The following PHLPP1 variants were observed in gnomAD, a reference collection of about 807,000 sequenced individuals.
PHLPP1 encodes PH domain leucine-rich repeat-containing protein phosphatase 1.
A neutral mutation model predicts 117.2 loss-of-function variants in PHLPP1; 42 were observed. The ratio of observed to expected loss-of-function variants is 0.36; its 90% confidence interval spans 0.28 to 0.46. The LOEUF (loss-of-function observed/expected upper bound fraction) is 0.46. Ranked by LOEUF, PHLPP1 falls within the 20% of genes least tolerant of loss-of-function variation. The pLI is 1.00. For synonymous variants in PHLPP1, 1,042 were observed against 970.7 expected, an observed-to-expected ratio of 1.07 and a Z score of -1.37; for missense variants, 2,084 against 2,241.9, an observed-to-expected ratio of 0.93 and a Z score of 1.42.
At chr18:62,746,191 A>G (rs1318475741) in intron 1 of PHLPP1, among the ~76,000 whole-genome samples, 2 of 152,070 alleles carry the variant, frequency 1.3e-5, no homozygotes, top group Non-Finnish European at 2.9e-5. Context: ...GACTATAGGC[A>G]TGAGCCACCA....
At position 62,945,348 on chromosome 18, in the gene PHLPP1, C is replaced by T. The variant is rs72945599; in HGVS notation, c.3324+77C>T. ...GACTTCCTAACTCATCAACTCAGGA[C>T]GTTTGCATCTTTGTTGGATTTATTC... On this transcript the variant is annotated intron_variant, in intron 12 of 16. Transcript: ENST00000262719. 60 of 1,200,198 alleles carry T rather than the reference C, an allele frequency of 5.0e-5. No individual in the cohort carries two copies. The East Asian group carries it at 1.1e-3, about 21-fold the overall frequency. 74.3% of individuals were successfully genotyped at this position (1,200,198 alleles called of 1,614,324 possible). A position where few individuals can be genotyped will look rare whatever the true frequency, so the allele number is the denominator to read the frequency against.
chr18:62,723,132 T>G (rs1018360843), intron 1 of PHLPP1, among the ~76,000 whole-genome samples: 2 of 152,232 alleles, frequency 1.3e-5, no homozygotes, highest in African/African-American at 4.8e-5. Context: ...AAGTGTCTTG[T>G]GGAGGTGTAA....
At chr18:62,816,599 AGTTT>A (rs1301048440) in intron 1 of PHLPP1, among the ~76,000 whole-genome samples, 1 of 152,098 alleles carries the variant, frequency 6.6e-6, no homozygotes, top group Non-Finnish European at 1.5e-5. Context: ...AAAAAAAAGA[AGTTT>A]GTTTATTTTT....
intron 1 of PHLPP1, among the ~76,000 whole-genome samples, chr18:62,804,141 C>T (rs1465952480): frequency 6.6e-6 from 1 of 152,160 alleles, no homozygotes; most frequent in African/African-American, 2.4e-5. Flanking sequence ...GTACCTTCTT[C>T]ACCAGGGGGC....
intron 1 of PHLPP1, among the ~76,000 whole-genome samples, chr18:62,802,880 G>C (rs911078711): frequency 6.6e-6 from 1 of 152,094 alleles, no homozygotes; most frequent in Non-Finnish European, 1.5e-5. Flanking sequence ...TAAAAAATTA[G>C]ATTGGAGTTC....
chr18:62,753,448 G>A (rs1911919748), intron 1 of PHLPP1, among the ~76,000 whole-genome samples: 1 of 152,172 alleles, frequency 6.6e-6, no homozygotes, highest in Non-Finnish European at 1.5e-5. Context: ...ACTATCATTT[G>A]TTGCACCCAG....
At chr18:62,884,355 C>CT (rs1916234693) in intron 4 of PHLPP1, among the ~76,000 whole-genome samples, 1 of 152,212 alleles carries the variant, frequency 6.6e-6, no homozygotes, top group Admixed American at 6.5e-5. Context: ...GTGGGAGAGA[C>CT]TGTTAACTTT....
At chr18:62,976,071 C>T (rs1181838068) in intron 16 of PHLPP1, among the ~76,000 whole-genome samples, 2 of 152,180 alleles carry the variant, frequency 1.3e-5, no homozygotes, top group Admixed American at 6.5e-5. Context: ...AAACTATGAA[C>T]GTCTATGTAA....
chr18:62,788,100 A>G (rs963759792), intron 1 of PHLPP1, among the ~76,000 whole-genome samples: 1 of 152,228 alleles, frequency 6.6e-6, no homozygotes, highest in South Asian at 2.1e-4. Context: ...CGTTATGCCA[A>G]TAGCATTTTC....
At chr18:62,748,447 C>T (rs1430523394) in intron 1 of PHLPP1, among the ~76,000 whole-genome samples, 1 of 151,934 alleles carries the variant, frequency 6.6e-6, no homozygotes, top group Non-Finnish European at 1.5e-5. Flanking sequence ...GGTTTTTGCC[C>T]TGTTGCCCAG....
chr18:62,847,276 A>G (rs1194416346), intron 3 of PHLPP1, among the ~76,000 whole-genome samples: 1 of 151,472 alleles, frequency 6.6e-6, no homozygotes, highest in South Asian at 2.1e-4. Context: ...CAGCAAGGAG[A>G]GATGGGGAGA....
intron 1 of PHLPP1, among the ~76,000 whole-genome samples, chr18:62,768,060 GA>G (rs1258152269): frequency 2.0e-5 from 3 of 152,204 alleles, no homozygotes; most frequent in African/African-American, 7.2e-5. Flanking sequence ...TATATCTGGG[GA>G]GAGGGGTGTT....
intron 10 of PHLPP1, among the ~76,000 whole-genome samples, chr18:62,924,774 G>A: frequency 6.7e-6 from 1 of 149,412 alleles, no homozygotes; most frequent in South Asian, 2.3e-4. Flanking sequence ...GGAGTTCGAG[G>A]CTGCCGTGAG....
At chr18:62,940,349 C>CTTTTTT (rs1568168241) in intron 10 of PHLPP1, among the ~76,000 whole-genome samples, 1 of 72,072 alleles carries the variant, frequency 1.4e-5, no homozygotes, top group Non-Finnish European at 2.9e-5. Flanking sequence ...CTTTTTCTTT[C>CTTTTTT]TTTTCTTTTT....
intron 1 of PHLPP1, among the ~76,000 whole-genome samples, chr18:62,786,969 C>G (rs1599047007): frequency 6.6e-6 from 1 of 152,280 alleles, no homozygotes; most frequent in African/African-American, 2.4e-5. Flanking sequence ...CTTTCCCCAT[C>G]TTAGACTTTA....
chr18:62,740,952 C>T (rs1299543584), intron 1 of PHLPP1, among the ~76,000 whole-genome samples: 2 of 151,650 alleles, frequency 1.3e-5, no homozygotes, highest in African/African-American at 4.9e-5. Flanking sequence ...CCAGCCTGGG[C>T]AACAGAGTCA....
intron 9 of PHLPP1, among the ~76,000 whole-genome samples, chr18:62,918,429 A>AATAAATAAATATATATATAT (rs375057055): frequency 5.0e-5 from 7 of 140,458 alleles, no homozygotes; most frequent in African/African-American, 1.9e-4. Context: ...GTAAAGGATA[A>AATAAATAAATATATATATAT]ATATATATAT....
chr18:62,813,819 C>T (rs1270186204), intron 1 of PHLPP1, among the ~76,000 whole-genome samples: 1 of 152,164 alleles, frequency 6.6e-6, no homozygotes, highest in East Asian at 1.9e-4. Flanking sequence ...CTTTCCCTTT[C>T]AGCATTTTAA....
chr18:62,786,165 T>A (rs1212485441), intron 1 of PHLPP1, among the ~76,000 whole-genome samples: 2 of 152,212 alleles, frequency 1.3e-5, no homozygotes, highest in Non-Finnish European at 2.9e-5. Flanking sequence ...TGGCTAATGC[T>A]CACAGGTAAA....
Sources: allele counts gnomAD v4.1 joint callset (sites outside exome capture counted in the v4.1 genomes callset), GRCh38; gene constraint gnomAD v4.1.1; transcripts MANE v1.5; gene names NCBI Gene and HGNC (gene_info 2026-07-23, HGNC 2026-07-21).